The following CIC variants were observed in gnomAD, a reference collection of about 807,000 sequenced individuals.
The protein encoded by CIC is capicua transcriptional repressor.
CIC carries 18 observed loss-of-function variants against 115.7 expected under a neutral mutation model. The observed-to-expected ratio is 0.16, with a 90% CI of 0.11 to 0.23. The LOEUF (loss-of-function observed/expected upper bound fraction) is 0.23, where lower values mean the gene tolerates loss of function less well. Ranked by LOEUF, CIC falls within the 10% of genes least tolerant of loss-of-function variation. The probability of loss-of-function intolerance (pLI) is 1.00; values close to 1 mark genes in which losing one functional copy is unlikely to be tolerated. For synonymous variants in CIC, 1,076 were observed against 923.0 expected (o/e 1.17, Z -3.01); for missense variants, 2,000 against 2,159.3 (o/e 0.93, Z 1.46).
intron 7 of CIC, among the ~76,000 whole-genome samples, chr19:42,288,538 A>G (rs2037830214): frequency 6.6e-6 from 1 of 152,128 alleles, no homozygotes; most frequent in Non-Finnish European, 1.5e-5. Context: ...TGCTATGGAT[A>G]TGCACTTCTA....
In CIC at chr19:42,289,098, G is replaced by T. The variant is rs1256187477; in HGVS notation, c.3861+8G>T. The T allele has an allele frequency of 6.2e-7, 1 of 1,613,412 alleles. No individual in the cohort carries two copies. Among genetic ancestry groups the T allele is most frequent in the African/African-American group, 1.3e-5 (1 of 74,932 alleles). ...CTACAGGAACTGACGCAGGTCTAGG[G>T]TGCAGGCCCCCTAGTGGGGGTGGGC... is the stretch of plus-strand genomic sequence containing the variant. On this transcript the variant is annotated splice_region_variant and intron_variant, in intron 8 of 20. Transcript: ENST00000681038.
rs2038221918 is a variant in CIC, at chr19:42,292,648, C to T, written c.5985C>T (p.Ala1995=). 2 of 1,613,772 alleles carry T rather than the reference C, an allele frequency of 1.2e-6. No individual in the cohort carries two copies. The highest frequency in any genetic ancestry group is 1.7e-6 in the Non-Finnish European group (2 of 1,179,968). ...PSPQLPPACA[A]PGGPVITAFY... ...CCCAGCTGCCGCCTGCCTGTGCAGC[C>T]CCCGGAGGTCCTGTCATAACAGCAT... The change falls in exon 15 of 21, where the codon GCC becomes GCT. Residue 1995 remains alanine, a synonymous_variant. Coordinates refer to ENST00000681038, the MANE Select transcript of CIC (RefSeq NM_001386298.1).
In CIC at chr19:42,288,892, C is replaced by T. The variant is rs1293925153; in HGVS notation, c.3663C>T (p.Ser1221=). The T allele has an allele frequency of 6.8e-6, 11 of 1,613,794 alleles. No homozygotes were observed. Among genetic ancestry groups the T allele is most frequent in the African/African-American group, 2.7e-5 (2 of 74,912 alleles). The part of the protein sequence containing the change: ...ETGTAAAPGV[S]SELLSVAAQT... ...GCGCCACTCTCTACTTTACAGTGTC[C>T]TCTGAGCTCCTGTCCGTTGCAGCCC... The change falls in exon 8 of 21, where the codon TCC becomes TCT. Residue 1221 remains serine (S), a synonymous_variant. Transcript: ENST00000681038.
Position 42,274,504 on chromosome 19 carries a change from C to T in CIC, c.2721C>T (p.Pro907=), listed in dbSNP as rs567905729. The T allele has an allele frequency of 4.8e-4, 193 of 398,862 alleles. No individual in the cohort carries two copies. The highest frequency in any genetic ancestry group is 7.7e-4 in the Non-Finnish European group (175 of 226,292). 24.7% of individuals were successfully genotyped at this position (398,862 alleles called of 1,614,324 possible). Residue 907 remains proline (P), a synonymous_variant, in exon 2 of 21, where the codon CCC becomes CCT. Coordinates refer to ENST00000681038, the MANE Select transcript of CIC (RefSeq NM_001386298.1). ...ACCCCTCACCTGCTGCCCTGTTGCC[C>T]GTTTTGGTGCCCAGCAGCTATACCA... ...AFHPSPAALL[P]VLVPSSYTSH...
chr19:42,282,659 C>T (rs1280387438), intron 2 of CIC, among the ~76,000 whole-genome samples: 1 of 152,250 alleles, frequency 6.6e-6, no homozygotes, highest in Non-Finnish European at 1.5e-5. Flanking sequence ...GGAAACAGCA[C>T]TTGAGTTAGA....
At chr19:42,286,676 G>A (rs1249872542) in intron 2 of CIC, 95 bp from the exon 3 acceptor site, 1 of 1,540,426 alleles carries the variant, frequency 6.5e-7, no homozygotes, top group East Asian at 2.3e-5. Context: ...GTAGACAAAA[G>A]GGGTGGGGCT....
rs757396538 is a variant in CIC at position 42,294,228 on chromosome 19, C to A, written c.6978C>A (p.Arg2326=). The A allele has an allele frequency of 6.2e-7, 1 of 1,613,826 alleles. No individual in the cohort carries two copies. Among genetic ancestry groups the A allele is most frequent in the Non-Finnish European group, 8.5e-7 (1 of 1,180,022 alleles). The change falls in exon 19 of 21, where the codon CGC becomes CGA. Residue 2326 remains arginine, a synonymous_variant. Coordinates refer to ENST00000681038, the MANE Select transcript of CIC (RefSeq NM_001386298.1). ...PTSPKRKMRR[R]SSCSSEPNTP... ...CGCCCAAGCGCAAGATGAGAAGACGCTCCAGCTGCAGCTCGGAGCCCAACA... is the reference window on the plus strand; with the variant it reads ...CGCCCAAGCGCAAGATGAGAAGACGATCCAGCTGCAGCTCGGAGCCCAACA...
Position 42,290,751 on chromosome 19 carries a change from A to G in CIC, c.4710A>G (p.Ala1570=), listed in dbSNP as rs751980900. ...CATCACTGGCCTATGGGGCCCCAGC[A>G]GCTCCCCTGTCCCGTCCTGCCGCCA... ...PAPSLAYGAP[A]APLSRPAATM... Residue 1570 remains alanine (A), a synonymous_variant, in exon 11 of 21, where the codon GCA becomes GCG. Transcript: ENST00000681038. The G allele has an allele frequency of 1.9e-6, 3 of 1,612,312 alleles. No individual in the cohort carries two copies. In the Admixed American group the frequency reaches 5.0e-5, roughly 27 times the overall value.
intron 2 of CIC, among the ~76,000 whole-genome samples, chr19:42,283,818 C>T (rs1007836143): frequency 3.3e-5 from 5 of 152,094 alleles, no homozygotes; most frequent in Non-Finnish European, 5.9e-5. Context: ...CCTCCTACCG[C>T]GGCCCCGCCC....
Position 42,295,143 on chromosome 19 carries a change from G to GGGCGCCCCCCC in CIC, c.7506_7507insGGCGCCCCCCC (p.Pro2503GlyfsTer30). On this transcript the variant is annotated frameshift_variant, in exon 21 of 21. Coordinates refer to ENST00000681038, the MANE Select transcript of CIC (RefSeq NM_001386298.1). LOFTEE classifies it high-confidence loss of function. Reference sequence around the variant, plus strand: ...AGCCTGGCTGGGAGGGGGCTCCCCAGCCCTCCCCCCCACCCCCAGGTCCCT... The same window carrying GGGCGCCCCCCC: ...AGCCTGGCTGGGAGGGGGCTCCCCAGGGCGCCCCCCCCCCTCCCCCCCACCCCCAGGTCCCT... The GGGCGCCCCCCC allele has an allele frequency of 7.2e-7, 1 of 1,382,728 alleles. No homozygotes were observed. Among genetic ancestry groups the GGGCGCCCCCCC allele is most frequent in the Non-Finnish European group, 9.6e-7 (1 of 1,037,818 alleles). 85.7% of individuals were successfully genotyped at this position (1,382,728 alleles called of 1,614,324 possible). A position where few individuals can be genotyped will look rare whatever the true frequency, so the allele number is the denominator to read the frequency against.
At position 42,291,245 on chromosome 19, in the gene CIC, A is replaced by C; in HGVS notation, c.5204A>C (p.Gln1735Pro). 1 of 1,612,242 alleles carries C rather than the reference A, an allele frequency of 6.2e-7. No homozygotes were observed. The highest frequency in any genetic ancestry group is 8.5e-7 in the Non-Finnish European group (1 of 1,179,634). ...AAGGCTGGGGGAATCACCCAGGTAC[A>C]GTACATCCTGCCCACGCTGCCCCAG... ...LGKAGGITQV[Q>P]YILPTLPQQL... Residue 1735 changes from glutamine to proline, a missense_variant, in exon 11 of 21, where the codon CAG (glutamine) becomes CCG (proline). Gln to Pro is a moderately conservative substitution (Grantham distance 76). Transcript: ENST00000681038.
In CIC at chr19:42,290,398, G is replaced by T. The variant is rs747162204; in HGVS notation, c.4357G>T (p.Ala1453Ser). 6.2e-7 allele frequency: 1 copy of T among 1,613,868 alleles called. No homozygotes were observed. The highest frequency in any genetic ancestry group is 1.3e-5 in the African/African-American group (1 of 74,860). Residue 1453 changes from alanine (A) to serine (S), a missense_variant, in exon 11 of 21, where the codon GCC (alanine) becomes TCC (serine). Ala to Ser is a moderately conservative substitution (Grantham distance 99). This residue lies in a region of CIC where 1,466 missense variants were observed against 1,390.4 expected (regional missense o/e 1.05). Coordinates refer to ENST00000681038, the MANE Select transcript of CIC (RefSeq NM_001386298.1). ...SSASSPASSSASAATSFSLGS... is the reference protein window; with the variant it reads ...SSASSPASSSSSAATSFSLGS... ...TGCGTCCTCGCCTGCTTCCTCCTCAGCCTCGGCAGCCACCTCCTTCTCACT... is the reference window on the plus strand; with the variant it reads ...TGCGTCCTCGCCTGCTTCCTCCTCATCCTCGGCAGCCACCTCCTTCTCACT...
chr19:42,290,216 C>T lies in CIC; in HGVS notation c.4192-17C>T. ...CGGAGTGTCCTGACCTGGGGTGTCT[C>T]CCTTCCTTTCATGCAGGGCTTTGGT... is the stretch of plus-strand genomic sequence containing the variant. On this transcript the variant is annotated splice_polypyrimidine_tract_variant and intron_variant, in intron 10 of 20. Coordinates refer to ENST00000681038, the MANE Select transcript of CIC (RefSeq NM_001386298.1). 1 of 1,614,046 alleles carries T rather than the reference C, an allele frequency of 6.2e-7. No individual in the cohort carries two copies.
chr19:42,295,036 G>T lies in CIC; in HGVS notation c.7399G>T (p.Asp2467Tyr). The T allele has an allele frequency of 6.4e-7, 1 of 1,564,846 alleles. No homozygotes were observed. Among genetic ancestry groups the T allele is most frequent in the Non-Finnish European group, 8.6e-7 (1 of 1,163,466 alleles). Residue 2467 changes from aspartate (D) to tyrosine (Y), a missense_variant, in exon 21 of 21, where the codon GAC (aspartate) becomes TAC (tyrosine). This residue lies in a region of CIC where 133 missense variants were observed against 116.0 expected (regional missense o/e 1.15). Transcript: ENST00000681038. ...CACTCCCAGCCCCGCAGGGGGCCCT[G>T]ACCCCACCTCACCCAGCTCGGACTC... ...APTPSPAGGP[D>Y]PTSPSSDSGT...
Position 42,291,764 on chromosome 19 carries a change from C to T in CIC, c.5613+19C>T. ...CAGCAAGGTGAGGGCCTGCCTTTCT[C>T]TCTACCTGCTGGATGTTGGCCCCTG... is the stretch of plus-strand genomic sequence containing the variant. On this transcript the variant is annotated intron_variant, in intron 12 of 20. Coordinates refer to ENST00000681038, the MANE Select transcript of CIC (RefSeq NM_001386298.1). 6.2e-7 allele frequency: 1 copy of T among 1,612,806 alleles called. No individual in the cohort carries two copies. Among genetic ancestry groups the T allele is most frequent in the Non-Finnish European group, 8.5e-7 (1 of 1,179,830 alleles).
chr19:42,280,912 A>G lies in CIC; in HGVS notation c.2795-5859A>G. Among the ~76,000 whole-genome samples the G allele has an allele frequency of 9.2e-6, 1 of 108,848 alleles. No individual in the cohort carries two copies. Among genetic ancestry groups the G allele is most frequent in the South Asian group, 2.8e-4 (1 of 3,574 alleles). The allele number at this position is 108,848 out of a possible 152,430, so 71.4% of individuals were successfully genotyped here. A position where few individuals can be genotyped will look rare whatever the true frequency, so the allele number is the denominator to read the frequency against. ...TCCCTTCCCCAAACCCACGTCTCTCAACCCCCCCACCCCCGCATCCCACCC... is the reference window on the plus strand; with the variant it reads ...TCCCTTCCCCAAACCCACGTCTCTCGACCCCCCCACCCCCGCATCCCACCC... On this transcript the variant is annotated intron_variant, in intron 2 of 20. Coordinates refer to ENST00000681038, the MANE Select transcript of CIC (RefSeq NM_001386298.1). This position sits in a 1 kb window ranked among gnomAD's most constrained non-coding sequence, Gnocchi z 4.9.
rs1221837789 is a variant in CIC, at chr19:42,287,380, C to T, written c.3240C>T (p.Thr1080=). Residue 1080 remains threonine, a synonymous_variant, in exon 5 of 21, where the codon ACC becomes ACT. Coordinates refer to ENST00000681038, the MANE Select transcript of CIC (RefSeq NM_001386298.1). The surrounding 1 kb of genome is among the most constrained non-coding windows in gnomAD (Gnocchi z 8.7). The part of the protein sequence containing the change: ...QLPLPPGKRR[T]QSLSALPKER... ...CTCTACCGCCCGGAAAACGTCGGAC[C>T]CAGTCCCTCAGTGCCCTACCCAAGG... 1.9e-6 allele frequency: 3 copies of T among 1,614,144 alleles called. No homozygotes were observed. The highest frequency in any genetic ancestry group is 2.5e-6 in the Non-Finnish European group (3 of 1,180,028).
chr19:42,272,365 T>A lies in CIC; in HGVS notation c.582T>A (p.Ser194Arg), dbSNP rs1309423693. 1 of 398,530 alleles carries A rather than the reference T, an allele frequency of 2.5e-6. No individual in the cohort carries two copies. The highest frequency in any genetic ancestry group is 4.4e-6 in the Non-Finnish European group (1 of 225,978). The allele number at this position is 398,530 out of a possible 1,614,324, so 24.7% of individuals were successfully genotyped here. The change falls in exon 2 of 21, where the codon AGT becomes AGA. Residue 194 changes from serine to arginine, a missense_variant. This residue lies in a region of CIC where 222 missense variants were observed against 247.7 expected (regional missense o/e 0.90). Transcript: ENST00000681038. ...GCCCTTGGCCCCCTGGCAGCACCAG[T>A]GGCAGCTATGACCTGCGGCAGCTGC... ...GPGPWPPGST[S>R]GSYDLRQLRS...
At chr19:42,274,842 C>G (rs1159538525) in intron 2 of CIC, among the ~76,000 whole-genome samples, 1 of 152,164 alleles carries the variant, frequency 6.6e-6, no homozygotes, top group Non-Finnish European at 1.5e-5. Flanking sequence ...TGAGTGCAGA[C>G]TGAGTCAGGT....
Sources: allele counts gnomAD v4.1 joint callset (sites outside exome capture counted in the v4.1 genomes callset), GRCh38; gene constraint gnomAD v4.1.1; regional missense constraint gnomAD v4.1.1; non-coding constraint Gnocchi (gnomAD v3.1); transcripts MANE v1.5; gene names NCBI Gene and HGNC (gene_info 2026-07-23, HGNC 2026-07-21).